The following EYA4 variants were observed in gnomAD, a reference collection of about 807,000 sequenced individuals.
EYA4 encodes the protein protein phosphatase EYA4.
Under a neutral mutation model 87.9 loss-of-function variants are expected in EYA4, and 31 were observed. The observed-to-expected ratio is 0.35, with a 90% CI of 0.27 to 0.48. The LOEUF (loss-of-function observed/expected upper bound fraction) is 0.48, where lower values mean the gene tolerates loss of function less well. EYA4 is among the 20% of genes least tolerant of loss of function. The pLI is 0.99. For synonymous variants in EYA4, 263 were observed against 270.6 expected, an observed-to-expected ratio of 0.97 and a Z score of 0.28; for missense variants, 678 against 761.4, an observed-to-expected ratio of 0.89 and a Z score of 1.29.
At chr6:133,353,143 A>G (rs1783764946) in intron 2 of EYA4, among the ~76,000 whole-genome samples, 1 of 152,284 alleles carries the variant, frequency 6.6e-6, no homozygotes, top group African/African-American at 2.4e-5. Flanking sequence ...TCCCACAATG[A>G]AGATAACTTT....
intron 3 of EYA4, among the ~76,000 whole-genome samples, chr6:133,437,081 G>A (rs1791760236): frequency 6.6e-6 from 1 of 151,778 alleles, no homozygotes; most frequent in African/African-American, 2.4e-5. Context: ...TTAAGTTTTT[G>A]TGTTTATGAC....
chr6:133,297,750 CAACAAAG>C (rs1779051207), intron 2 of EYA4, among the ~76,000 whole-genome samples: 1 of 152,164 alleles, frequency 6.6e-6, no homozygotes, highest in Admixed American at 6.6e-5. Context: ...TCTGTTGTAC[CAACAAAG>C]GTTTCTCTGA....
intron 3 of EYA4, among the ~76,000 whole-genome samples, chr6:133,385,199 T>C (rs1786600004): frequency 6.7e-6 from 1 of 149,668 alleles, no homozygotes; most frequent in Admixed American, 6.7e-5. Context: ...CTTGGGAGGC[T>C]GAGGCAGGAG....
intron 3 of EYA4, among the ~76,000 whole-genome samples, chr6:133,418,017 T>C (rs1789889256): frequency 6.6e-6 from 1 of 152,348 alleles, no homozygotes; most frequent in East Asian, 1.9e-4. Flanking sequence ...CCACACCCTC[T>C]TATCTGCTTT....
chr6:133,259,186 A>C (rs1323291891), intron 1 of EYA4, among the ~76,000 whole-genome samples: 2 of 152,168 alleles, frequency 1.3e-5, no homozygotes, highest in Non-Finnish European at 2.9e-5. Context: ...CCTGTTGGGA[A>C]ACAAAGATTT....
chr6:133,451,952 TA>T (rs1793489243), intron 5 of EYA4, among the ~76,000 whole-genome samples: 1 of 150,874 alleles, frequency 6.6e-6, no homozygotes, highest in South Asian at 2.1e-4. Context: ...AGCTCTTTTG[TA>T]GATTTTTTTT....
At chr6:133,475,551 A>G (rs191985555) in intron 11 of EYA4, among the ~76,000 whole-genome samples, 1 of 152,228 alleles carries the variant, frequency 6.6e-6, no homozygotes, top group African/African-American at 2.4e-5. Context: ...CCTTTTGATA[A>G]CTTCATGGTA....
intron 11 of EYA4, among the ~76,000 whole-genome samples, chr6:133,476,917 C>A (rs1257606841): frequency 6.6e-5 from 10 of 152,108 alleles, no homozygotes; most frequent in South Asian, 4.1e-4. Flanking sequence ...AGGGAGAGAC[C>A]AGGTGGAGGT....
chr6:133,424,304 C>G (rs1790459910), intron 3 of EYA4, among the ~76,000 whole-genome samples: 1 of 152,196 alleles, frequency 6.6e-6, no homozygotes, highest in Non-Finnish European at 1.5e-5. Context: ...ACTCCCCACT[C>G]TGGTCTGCAG....
intron 1 of EYA4, among the ~76,000 whole-genome samples, chr6:133,264,198 C>G (rs1776019691): frequency 6.6e-6 from 1 of 152,142 alleles, no homozygotes; most frequent in Non-Finnish European, 1.5e-5. Context: ...AGGAATCGTC[C>G]CCAGAACTAC....
At chr6:133,310,893 A>G (rs1360251679) in intron 2 of EYA4, among the ~76,000 whole-genome samples, 1 of 152,168 alleles carries the variant, frequency 6.6e-6, no homozygotes, top group African/African-American at 2.4e-5. Flanking sequence ...TTTCCTTTGT[A>G]TTAGATTTCT....
At position 133,518,910 on chromosome 6, in the gene EYA4, G is replaced by A. The variant is rs975472012; in HGVS notation, c.1616+3475G>A. Among the ~76,000 whole-genome samples, 55 of 151,396 alleles carry A rather than the reference G, an allele frequency of 3.6e-4. 1 individual carries two copies. Among genetic ancestry groups the A allele is most frequent in the Admixed American group, 5.9e-4 (9 of 15,166 alleles). ...CCTGAATGACTACTGGGTACATAAC[G>A]AAATGAAGGCAGAAATAAAGATGTT... is the stretch of plus-strand genomic sequence containing the variant. On this transcript the variant is annotated intron_variant, in intron 17 of 19. Transcript: ENST00000355286.
chr6:133,448,268 C>A, intron 5 of EYA4, 89 bp downstream of exon 5: 1 of 970,372 alleles, frequency 1.0e-6, no homozygotes, highest in Non-Finnish European at 1.7e-6. Flanking sequence ...ATGTTTGCAT[C>A]TCTTTTCTGT....
intron 3 of EYA4, among the ~76,000 whole-genome samples, chr6:133,391,239 G>C (rs1303634972): frequency 3.2e-4 from 6 of 18,854 alleles, no homozygotes; most frequent in African/African-American, 8.2e-4. Context: ...TTTTTTTTTT[G>C]AGATGGAGTT....
intron 17 of EYA4, among the ~76,000 whole-genome samples, chr6:133,517,884 C>T (rs1415622978): frequency 6.6e-6 from 1 of 152,202 alleles, no homozygotes; most frequent in East Asian, 1.9e-4. Flanking sequence ...CCAATTTCAC[C>T]TGTTTCAGAC....
intron 17 of EYA4, among the ~76,000 whole-genome samples, chr6:133,521,993 A>T: frequency 7.8e-6 from 1 of 128,014 alleles, no homozygotes. Context: ...GAGGGATAGC[A>T]TTGGGAGATA....
rs1271111659 is a variant in EYA4 at position 133,481,564 on chromosome 6, A to T, written c.1072A>T (p.Asn358Tyr). ...GSKSRGRGRK[N>Y]NPSPPPDSDL... is the part of the protein sequence containing the mutation. ...AAAGTCCAGAGGAAGAGGCCGGAAA[A>T]ATAATCCCTCCCCGCCTCCTGATAG... The change falls in exon 12 of 20, where the codon AAT becomes TAT. Residue 358 changes from asparagine to tyrosine, a missense_variant. Physicochemically the swap from Asn to Tyr is moderately radical, Grantham distance 143. Coordinates refer to ENST00000355286, the MANE Select transcript of EYA4 (RefSeq NM_004100.5). The T allele has an allele frequency of 6.2e-7, 1 of 1,613,954 alleles. No homozygotes were observed. The highest frequency in any genetic ancestry group is 1.3e-5 in the African/African-American group (1 of 74,918).
intron 13 of EYA4, among the ~76,000 whole-genome samples, chr6:133,494,996 C>T (rs1050814392): frequency 5.9e-5 from 9 of 152,076 alleles, no homozygotes; most frequent in Admixed American, 2.6e-4. Flanking sequence ...ACGCCAGGTG[C>T]GGTGGCTCAC....
chr6:133,269,884 T>C (rs2128255438), intron 1 of EYA4, among the ~76,000 whole-genome samples: 1 of 152,284 alleles, frequency 6.6e-6, no homozygotes, highest in Admixed American at 6.5e-5. Context: ...TCCAATAGGC[T>C]GTCTGCAAGC....
Sources: allele counts gnomAD v4.1 joint callset (sites outside exome capture counted in the v4.1 genomes callset), GRCh38; gene constraint gnomAD v4.1.1; transcripts MANE v1.5; gene names NCBI Gene and HGNC (gene_info 2026-07-23, HGNC 2026-07-21).